Variants in MAP2 observed in about 807,000 individuals in gnomAD.
MAP2 encodes microtubule-associated protein 2.
In MAP2, 14 loss-of-function variants were observed where a neutral mutation model predicts 137.6. That is an observed-to-expected ratio of 0.10 (90% confidence interval 0.07 to 0.16). The LOEUF (loss-of-function observed/expected upper bound fraction) is 0.16, where lower values mean the gene tolerates loss of function less well. Among genes scored for constraint, MAP2 ranks in the 10% least tolerant of loss-of-function variants. The pLI is 1.00. For missense variants in MAP2, 2,088 were observed against 2,191.5 expected (o/e 0.95, Z 0.94); for synonymous variants, 786 against 782.3 (o/e 1.00, Z -0.08).
At chr2:209,610,829 C>T (rs777867539) in intron 3 of MAP2, among the ~76,000 whole-genome samples, 15 of 152,060 alleles carry the variant, frequency 9.9e-5, no homozygotes, top group Non-Finnish European at 1.9e-4. Context: ...TAGCTAATGC[C>T]TAATTCTTTA....
At chr2:209,646,029 T>C (rs2094399764) in intron 4 of MAP2, among the ~76,000 whole-genome samples, 1 of 151,942 alleles carries the variant, frequency 6.6e-6, no homozygotes. Flanking sequence ...CTCTAAAAAA[T>C]ACAAAAATTA....
intron 13 of MAP2, among the ~76,000 whole-genome samples, chr2:209,719,490 T>A (rs891372873): frequency 6.6e-6 from 1 of 152,238 alleles, no homozygotes; most frequent in African/African-American, 2.4e-5. Flanking sequence ...TGTATTTTCT[T>A]TCATTTTACG....
At chr2:209,485,375 T>C (rs1314366367) in intron 1 of MAP2, among the ~76,000 whole-genome samples, 1 of 152,184 alleles carries the variant, frequency 6.6e-6, no homozygotes, top group African/African-American at 2.4e-5. Context: ...CCCCACCTCC[T>C]ATAACTTTTT....
chr2:209,604,496 C>T (rs1244554711), intron 3 of MAP2, among the ~76,000 whole-genome samples: 1 of 152,110 alleles, frequency 6.6e-6, no homozygotes, highest in African/African-American at 2.4e-5. Context: ...TGACCATCAG[C>T]AGTTCAAATG....
intron 1 of MAP2, among the ~76,000 whole-genome samples, chr2:209,433,066 G>C (rs937336491): frequency 2.0e-5 from 3 of 152,058 alleles, no homozygotes; most frequent in African/African-American, 4.8e-5. Flanking sequence ...TAAACACATG[G>C]TTATTGGGTT....
At chr2:209,729,366 A>C (rs2075277256) in intron 14 of MAP2, among the ~76,000 whole-genome samples, 1 of 152,200 alleles carries the variant, frequency 6.6e-6, no homozygotes, top group African/African-American at 2.4e-5. Context: ...TCATAAATGA[A>C]TATATTGCCC....
At chr2:209,470,744 C>A (rs1705475913) in intron 1 of MAP2, among the ~76,000 whole-genome samples, 1 of 152,092 alleles carries the variant, frequency 6.6e-6, no homozygotes, top group African/African-American at 2.4e-5. Context: ...TATACTAACT[C>A]CCAAGTCCAG....
At chr2:209,707,010 ACTCTCCAGGG>A (rs1456029744) in intron 12 of MAP2, among the ~76,000 whole-genome samples, 1 of 152,084 alleles carries the variant, frequency 6.6e-6, no homozygotes, top group Non-Finnish European at 1.5e-5. Context: ...AAGATTTAGT[ACTCTCCAGGG>A]AAGAGACTTT....
At chr2:209,540,068 T>C (rs1342481465) in intron 2 of MAP2, among the ~76,000 whole-genome samples, 1 of 120,504 alleles carries the variant, frequency 8.3e-6, no homozygotes, top group Non-Finnish European at 1.6e-5. Flanking sequence ...GCCAGTACAC[T>C]CGAGACTGGG....
At chr2:209,697,193 G>C in intron 10 of MAP2, 142 bp downstream of exon 10, 1 of 755,570 alleles carries the variant, frequency 1.3e-6, no homozygotes, top group Non-Finnish European at 2.0e-6. Flanking sequence ...TAAGTGTCTT[G>C]TATCATTATT....
In MAP2 at chr2:209,653,331, A is replaced by G. The variant is rs766998699; in HGVS notation, c.161A>G (p.Glu54Gly). The change falls in exon 5 of 16, where the codon GAA becomes GGA. Residue 54 changes from glutamate (E) to glycine (G), a missense_variant. Coordinates refer to ENST00000682079, the MANE Select transcript of MAP2 (RefSeq NM_001375505.1). ...SANGFPYRED[E>G]EGAFGEHGSQ... Reference sequence around the variant, plus strand: ...AATGGATTCCCATACAGGGAGGATGAAGAGGGTGCCTTTGGAGAGCATGGG... The same window carrying G: ...AATGGATTCCCATACAGGGAGGATGGAGAGGGTGCCTTTGGAGAGCATGGG... 4.3e-6 allele frequency: 7 copies of G among 1,614,138 alleles called. No homozygotes were observed. The highest frequency in any genetic ancestry group is 5.1e-6 in the Non-Finnish European group (6 of 1,180,004).
chr2:209,429,233 A>T (rs13033819), intron 1 of MAP2, among the ~76,000 whole-genome samples: 5 of 151,924 alleles, frequency 3.3e-5, no homozygotes. Flanking sequence ...GATTACAGTC[A>T]TGAGCCACCG....
chr2:209,552,809 C>G (rs1375454203), intron 2 of MAP2, among the ~76,000 whole-genome samples: 2 of 151,822 alleles, frequency 1.3e-5, no homozygotes, highest in African/African-American at 2.4e-5. Flanking sequence ...TGTGCTGAGC[C>G]AAGATCGCGC....
intron 14 of MAP2, among the ~76,000 whole-genome samples, chr2:209,726,898 G>C (rs1484303750): frequency 2.6e-5 from 4 of 152,196 alleles, no homozygotes; most frequent in Non-Finnish European, 5.9e-5. Context: ...AACTGTCTGT[G>C]TTTGGCATCT....
intron 5 of MAP2, among the ~76,000 whole-genome samples, chr2:209,670,241 G>T (rs947762595): frequency 4.0e-5 from 6 of 151,864 alleles, no homozygotes; most frequent in African/African-American, 1.5e-4. Context: ...ATGTAATATA[G>T]GGGCTACAAA....
chr2:209,480,026 A>C (rs921198895), intron 1 of MAP2, among the ~76,000 whole-genome samples: 17 of 152,154 alleles, frequency 1.1e-4, no homozygotes, highest in Non-Finnish European at 1.8e-4. Flanking sequence ...TTTGAGCTGC[A>C]TTTGACATTT....
chr2:209,429,001 C>A (rs932621752), intron 1 of MAP2, among the ~76,000 whole-genome samples: 1 of 151,786 alleles, frequency 6.6e-6, no homozygotes, highest in South Asian at 2.1e-4. Context: ...TCGCCCAGGC[C>A]GGAGTACAGT....
intron 2 of MAP2, among the ~76,000 whole-genome samples, chr2:209,576,215 T>C (rs1000005188): frequency 6.6e-6 from 1 of 151,986 alleles, no homozygotes; most frequent in African/African-American, 2.4e-5. Flanking sequence ...GAAAAGGAAG[T>C]GTGAAGTTAG....
At chr2:209,510,574 A>T (rs1163755152) in intron 2 of MAP2, among the ~76,000 whole-genome samples, 1 of 152,120 alleles carries the variant, frequency 6.6e-6, no homozygotes, top group Non-Finnish European at 1.5e-5. Context: ...TAGCAGAAGC[A>T]GTCTGAGATT....
Sources: gnomAD v4.1 joint callset for allele counts (sites outside exome capture counted in the v4.1 genomes callset) on GRCh38, gnomAD v4.1.1 for gene constraint, MANE v1.5 for transcripts, NCBI Gene and HGNC (gene_info 2026-07-23, HGNC 2026-07-21) for gene names.